OTUD3: variants seen among roughly 807,000 people sequenced by gnomAD.
The protein encoded by OTUD3 is OTU deubiquitinase 3.
OTUD3 carries 24 observed loss-of-function variants against 46.2 expected under a neutral mutation model. That is an observed-to-expected ratio of 0.52 (90% CI 0.38 to 0.73). OTUD3 has a LOEUF of 0.73. OTUD3 is among the 30% of genes least tolerant of loss of function. OTUD3 has a pLI of 0.00. For missense variants in OTUD3, 455 were observed against 523.3 expected, an observed-to-expected ratio of 0.87 and a Z score of 1.27; for synonymous variants, 189 against 195.4, an observed-to-expected ratio of 0.97 and a Z score of 0.27.
At chr1:19,887,091 T>TC (rs1032369816) in intron 1 of OTUD3, among the ~76,000 whole-genome samples, 18 of 150,408 alleles carry the variant, frequency 1.2e-4, no homozygotes, top group African/African-American at 4.4e-4. Flanking sequence ...TCTTTTTTTT[T>TC]TTTTTTTGGA....
intron 4 of OTUD3, among the ~76,000 whole-genome samples, chr1:19,898,984 A>G (rs1251087899): frequency 6.6e-6 from 1 of 151,812 alleles, no homozygotes; most frequent in Non-Finnish European, 1.5e-5. Flanking sequence ...TTAATTTTTT[A>G]ATTTTTTGCA....
chr1:19,895,473 A>G lies in OTUD3; in HGVS notation c.483+993A>G, dbSNP rs183551716. 3.3e-5 allele frequency among the ~76,000 whole-genome samples: 5 copies of G among 152,310 alleles called. No individual in the cohort carries two copies. The East Asian group carries it at 7.7e-4, about 23-fold the overall frequency. Reference sequence around the variant, plus strand: ...CCCAATACCCAGCCTCTTGTAGCCCATTCTCTGATTTGTCCTTATAGTTTT... The same window carrying G: ...CCCAATACCCAGCCTCTTGTAGCCCGTTCTCTGATTTGTCCTTATAGTTTT... On this transcript the variant is annotated intron_variant, in intron 3 of 7. Transcript: ENST00000375120.
intron 6 of OTUD3, among the ~76,000 whole-genome samples, chr1:19,905,502 G>A (rs1298941093): frequency 6.6e-6 from 1 of 152,166 alleles, no homozygotes; most frequent in Admixed American, 6.5e-5. Context: ...CAGCACTTTG[G>A]GAGGCTGAGG....
At chr1:19,901,058 C>A (rs1179480315) in intron 4 of OTUD3, among the ~76,000 whole-genome samples, 1 of 151,494 alleles carries the variant, frequency 6.6e-6, no homozygotes, top group Non-Finnish European at 1.5e-5. Context: ...TACAGGCGCT[C>A]GCCACTACCC....
At chr1:19,906,678 T>C in intron 7 of OTUD3, 62 bp downstream of exon 7, 1 of 1,328,302 alleles carries the variant, frequency 7.5e-7, no homozygotes, top group Middle Eastern at 2.7e-4. Flanking sequence ...GCAGTGGTGG[T>C]AGCTTGAGAT....
intron 2 of OTUD3, among the ~76,000 whole-genome samples, chr1:19,892,885 T>C (rs1571167041): frequency 6.6e-6 from 1 of 152,192 alleles, no homozygotes. Context: ...GACTTTTTAG[T>C]TCTTCATGAT....
At chr1:19,887,082 C>CTTTTTTTT (rs35763768) in intron 1 of OTUD3, among the ~76,000 whole-genome samples, 1 of 133,482 alleles carries the variant, frequency 7.5e-6, no homozygotes, top group African/African-American at 2.8e-5. Context: ...TTTTCTTTTT[C>CTTTTTTTT]TTTTTTTTTT....
At chr1:19,901,320 A>T (rs2045586635) in intron 4 of OTUD3, among the ~76,000 whole-genome samples, 1 of 152,190 alleles carries the variant, frequency 6.6e-6, no homozygotes, top group Non-Finnish European at 1.5e-5. Context: ...TTTGTGATCC[A>T]CAGGAACATT....
At chr1:19,889,593 A>C (rs781026523) in intron 1 of OTUD3, among the ~76,000 whole-genome samples, 5 of 152,320 alleles carry the variant, frequency 3.3e-5, no homozygotes, top group Non-Finnish European at 5.9e-5. Flanking sequence ...CTGTGTATCT[A>C]AGCCTCTGTG....
At position 19,897,640 on chromosome 1, in the gene OTUD3, C is replaced by T; in HGVS notation, c.584C>T (p.Ala195Val). 1 of 1,613,882 alleles carries T rather than the reference C, an allele frequency of 6.2e-7. No homozygotes were observed. Among genetic ancestry groups the T allele is most frequent in the Non-Finnish European group, 8.5e-7 (1 of 1,179,904 alleles). The change falls in exon 4 of 8, where the codon GCA (alanine) becomes GTA (valine). Residue 195 changes from alanine (A) to valine (V), a missense_variant. Physicochemically the swap from Ala to Val is moderately conservative, Grantham distance 64 (BLOSUM62 0). Transcript: ENST00000375120. ...SVRRINDNSE[A>V]PAHLQTDFQM... is the part of the protein sequence containing the mutation. ...CGGAGGATCAATGACAACTCAGAGG[C>T]ACCTGCACATCTCCAGACGGATGTG... is the stretch of plus-strand genomic sequence containing the variant.
intron 2 of OTUD3, 27 bp from the exon 3 acceptor site, chr1:19,894,341 T>C (rs1443316518): frequency 7.3e-7 from 1 of 1,370,428 alleles, no homozygotes; most frequent in Non-Finnish European, 1.0e-6. Context: ...TATAAAGACG[T>C]CATTTTTCTT....
chr1:19,901,580 C>T (rs1159269687), intron 4 of OTUD3, among the ~76,000 whole-genome samples: 1 of 152,132 alleles, frequency 6.6e-6, no homozygotes, highest in African/African-American at 2.4e-5. Context: ...GTACTCAGTA[C>T]ATCTGCAGTG....
chr1:19,909,069 G>T lies in OTUD3; in HGVS notation c.*1323G>T, dbSNP rs551435410. ...AGGCAGCCCATCTTGGATCATCTTT[G>T]TCTTTTGGGACCTAATACTTGGGCA... On this transcript the variant is annotated 3_prime_UTR_variant, in exon 8 of 8. Coordinates refer to ENST00000375120, the MANE Select transcript of OTUD3 (RefSeq NM_015207.2). 1 of 152,454 alleles carries T rather than the reference G, an allele frequency of 6.6e-6. No individual in the cohort carries two copies. The highest frequency in any genetic ancestry group is 2.1e-4 in the South Asian group (1 of 4,830). The allele number at this position is 152,454 out of a possible 1,614,324, so 9.4% of individuals were successfully genotyped here.
rs1262538948 is a variant in OTUD3, at chr1:19,907,964, A to G, written c.*218A>G. The G allele has an allele frequency of 4.4e-6, 2 of 451,476 alleles. No individual in the cohort carries two copies. The highest frequency in any genetic ancestry group is 3.7e-5 in the Admixed American group (1 of 26,720). The allele number at this position is 451,476 out of a possible 1,614,324, so 28.0% of individuals were successfully genotyped here. A position where few individuals can be genotyped will look rare whatever the true frequency, so the allele number is the denominator to read the frequency against. ...TTATGAAAATGCAGTGAGGCCATTCATATTCTGTAATACAAAATTAAAATA... is the reference window on the plus strand; with the variant it reads ...TTATGAAAATGCAGTGAGGCCATTCGTATTCTGTAATACAAAATTAAAATA... On this transcript the variant is annotated 3_prime_UTR_variant, in exon 8 of 8. Coordinates refer to ENST00000375120, the MANE Select transcript of OTUD3 (RefSeq NM_015207.2).
rs1048676235 is a variant in OTUD3 at position 19,909,287 on chromosome 1, T to G, written c.*1541T>G. Reference sequence around the variant, plus strand: ...GTATCTTTTGGTTTTGTTTTTGACTTTGGTGGCTTTTTGTAGTTGGAGCAT... The same window carrying G: ...GTATCTTTTGGTTTTGTTTTTGACTGTGGTGGCTTTTTGTAGTTGGAGCAT... On this transcript the variant is annotated 3_prime_UTR_variant, in exon 8 of 8. Transcript: ENST00000375120. 2.0e-5 allele frequency: 3 copies of G among 152,392 alleles called. No homozygotes were observed. The highest frequency in any genetic ancestry group is 4.4e-5 in the Non-Finnish European group (3 of 68,076). The allele number at this position is 152,392 out of a possible 1,614,324, so 9.4% of individuals were successfully genotyped here.
At chr1:19,899,483 G>C (rs987848356) in intron 4 of OTUD3, among the ~76,000 whole-genome samples, 10 of 152,210 alleles carry the variant, frequency 6.6e-5, no homozygotes, top group African/African-American at 1.9e-4. Flanking sequence ...GTAGTGTTCT[G>C]TTCTGTAGAT....
At chr1:19,895,638 G>A (rs1050112140) in intron 3 of OTUD3, among the ~76,000 whole-genome samples, 1 of 152,212 alleles carries the variant, frequency 6.6e-6, no homozygotes, top group Non-Finnish European at 1.5e-5. Flanking sequence ...AGGAGCAGGA[G>A]TGAAACAGTA....
chr1:19,897,748 A>C, intron 4 of OTUD3, 86 bp downstream of exon 4: 2 of 1,342,418 alleles, frequency 1.5e-6, no homozygotes, highest in Admixed American at 2.6e-5. Context: ...AAAACCAGTA[A>C]TGTTTTTGTA....
chr1:19,898,439 ACAT>A (rs1187989423), intron 4 of OTUD3, among the ~76,000 whole-genome samples: 3 of 152,098 alleles, frequency 2.0e-5, no homozygotes, highest in South Asian at 4.2e-4. Flanking sequence ...TTAAAAATTA[ACAT>A]CATTGGCCGG....
Sources: gnomAD v4.1 joint callset for allele counts (sites outside exome capture counted in the v4.1 genomes callset) on GRCh38, gnomAD v4.1.1 for gene constraint, MANE v1.5 for transcripts, NCBI Gene and HGNC (gene_info 2026-07-23, HGNC 2026-07-21) for gene names.